Variants in PCDH11Y observed in about 807,000 individuals in gnomAD.
PCDH11Y encodes the protein protocadherin-11 Y-linked.
For synonymous variants in PCDH11Y, 9 were observed against 83.6 expected (o/e 0.11, Z 4.87); for missense variants, 12 against 224.8 (o/e 0.05, Z 6.05).
chrY:5,519,062 C>G, intron 3 of PCDH11Y, among the ~76,000 whole-genome samples: 1 of 30,837 alleles, frequency 3.2e-5, no homozygotes, highest in Admixed American at 3.0e-4. Context: ...CTTCACTGCT[C>G]ACAAACACCT....
At chrY:5,494,112 C>A in intron 2 of PCDH11Y, among the ~76,000 whole-genome samples, 1 of 33,325 alleles carries the variant, frequency 3.0e-5, no homozygotes, top group Non-Finnish European at 7.4e-5. Flanking sequence ...GTAGATATTT[C>A]TACTATTCTT....
intron 3 of PCDH11Y, among the ~76,000 whole-genome samples, chrY:5,551,584 A>G (rs1602942145): frequency 9.3e-5 from 3 of 32,164 alleles, no homozygotes; most frequent in Non-Finnish European, 2.3e-4. Flanking sequence ...ACCTTGTCAT[A>G]CTGAATATTT....
chrY:5,700,580 A>G (rs1602961823), intron 4 of PCDH11Y, among the ~76,000 whole-genome samples: 14 of 33,691 alleles, frequency 4.2e-4, no homozygotes, highest in African/African-American at 1.5e-3. Context: ...CATGTAAAAC[A>G]TGCCTTTTGC....
At chrY:5,105,886 A>G (rs2052791648), downstream of PCDH11Y, among the ~76,000 whole-genome samples, 5 of 33,028 alleles carry the variant, frequency 1.5e-4, no homozygotes, top group African/African-American at 5.9e-4. Context: ...AAAAGATTTT[A>G]TCTCAACTTT....
intron 2 of PCDH11Y, among the ~76,000 whole-genome samples, chrY:5,227,326 T>C (rs2124653291): frequency 3.0e-5 from 1 of 33,318 alleles, no homozygotes; most frequent in South Asian, 6.6e-4. Flanking sequence ...TTCTAATAGT[T>C]TTCTTGTGGA....
At chrY:5,019,943 AATT>A (rs2052566846) in intron 1 of PCDH11Y, among the ~76,000 whole-genome samples, 1 of 32,216 alleles carries the variant, frequency 3.1e-5, no homozygotes, top group African/African-American at 1.2e-4. Flanking sequence ...TAATTTCTGA[AATT>A]ATATAATAAA....
chrY:5,074,809 A>G (rs2124631198), intron 1 of PCDH11Y, among the ~76,000 whole-genome samples: 1 of 32,116 alleles, frequency 3.1e-5, no homozygotes, highest in South Asian at 7.0e-4. Flanking sequence ...TATTTATGTT[A>G]ATCAAATATG....
chrY:5,383,728 C>G, intron 2 of PCDH11Y, among the ~76,000 whole-genome samples: 1 of 31,564 alleles, frequency 3.2e-5, no homozygotes. Context: ...AAGCGATTCT[C>G]CTGCCTCAGC....
chrY:5,150,330 C>T (rs2052863021), intron 2 of PCDH11Y, among the ~76,000 whole-genome samples: 1 of 32,039 alleles, frequency 3.1e-5, no homozygotes, highest in African/African-American at 1.2e-4. Context: ...ATTTAATATC[C>T]TCCTTCTAAC....
At chrY:5,362,813 T>A in intron 2 of PCDH11Y, among the ~76,000 whole-genome samples, 1 of 32,438 alleles carries the variant, frequency 3.1e-5, no homozygotes. Context: ...TACCACATTT[T>A]CTTTATCCAC....
At chrY:5,072,541 G>A (rs9785658) in intron 1 of PCDH11Y, among the ~76,000 whole-genome samples, 6,601 of 31,424 alleles carry the variant, frequency 0.21, no homozygotes, top group African/African-American at 0.68. Context: ...TCAATGTGAT[G>A]CTGATTAATT....
chrY:5,407,642 G>A (rs1414422858), intron 2 of PCDH11Y, among the ~76,000 whole-genome samples: 18 of 32,828 alleles, frequency 5.5e-4, no homozygotes, highest in Non-Finnish European at 1.2e-3. Flanking sequence ...GGCCAGGCAC[G>A]GTGGCTGAGG....
At chrY:5,365,979 G>A in intron 2 of PCDH11Y, among the ~76,000 whole-genome samples, 3 of 33,521 alleles carry the variant, frequency 8.9e-5, no homozygotes, top group African/African-American at 2.3e-4. Flanking sequence ...TTTAGAAAAC[G>A]TAAAAAGCAA....
At chrY:5,665,509 C>T in intron 4 of PCDH11Y, among the ~76,000 whole-genome samples, 1 of 32,995 alleles carries the variant, frequency 3.0e-5, no homozygotes, top group Non-Finnish European at 7.5e-5. Flanking sequence ...CTATCAGATT[C>T]TAGCCAGAAT....
intron 3 of PCDH11Y, among the ~76,000 whole-genome samples, chrY:5,529,518 TG>T (rs2053390859): frequency 3.1e-5 from 1 of 32,622 alleles, no homozygotes; most frequent in East Asian, 7.9e-4. Flanking sequence ...CTTGAGAGGA[TG>T]GATACCCCAT....
intron 2 of PCDH11Y, among the ~76,000 whole-genome samples, chrY:5,378,288 T>TACAC (rs200306687): frequency 1.7e-4 from 4 of 23,346 alleles, no homozygotes; most frequent in Admixed American, 8.4e-4. Context: ...AATAAATAAA[T>TACAC]ACACACACAC....
At chrY:5,047,716 A>G in intron 3 of PCDH11Y, among the ~76,000 whole-genome samples, 1 of 33,614 alleles carries the variant, frequency 3.0e-5, no homozygotes, top group Admixed American at 2.7e-4. Flanking sequence ...TTATCTTTGT[A>G]TGAACATCTT....
intron 4 of PCDH11Y, among the ~76,000 whole-genome samples, chrY:5,718,156 A>G: frequency 3.0e-5 from 1 of 33,396 alleles, no homozygotes; most frequent in African/African-American, 1.2e-4. Context: ...GTTAGAATAA[A>G]TGGATAATAC....
intron 4 of PCDH11Y, among the ~76,000 whole-genome samples, chrY:5,671,809 A>G (rs2053549487): frequency 3.1e-5 from 1 of 32,257 alleles, no homozygotes; most frequent in Non-Finnish European, 7.7e-5. Context: ...CAGCAGTGAA[A>G]GTGGGCATCC....
Sources: gnomAD v4.1 joint callset for allele counts (sites outside exome capture counted in the v4.1 genomes callset) on GRCh38, gnomAD v4.1.1 for gene constraint, MANE v1.5 for transcripts, NCBI Gene and HGNC (gene_info 2026-07-23, HGNC 2026-07-21) for gene names.